HIVEP3: variants seen among roughly 807,000 people sequenced by gnomAD.
The protein encoded by HIVEP3 is transcription factor HIVEP3.
In HIVEP3, 49 loss-of-function variants were observed where a neutral mutation model predicts 152.8. The observed-to-expected ratio is 0.32, with a 90% confidence interval of 0.26 to 0.41. The LOEUF (loss-of-function observed/expected upper bound fraction) is 0.41. Among genes scored for constraint, HIVEP3 ranks in the 10% least tolerant of loss-of-function variants. The probability of loss-of-function intolerance (pLI) is 1.00; values close to 1 mark genes in which losing one functional copy is unlikely to be tolerated. For missense variants in HIVEP3, 2,790 were observed against 3,103.3 expected, an observed-to-expected ratio of 0.90 and a Z score of 2.40; for synonymous variants, 1,269 against 1,289.0, an observed-to-expected ratio of 0.98 and a Z score of 0.33.
chr1:41,707,381 C>T (rs550337220), intron 1 of HIVEP3, among the ~76,000 whole-genome samples: 6 of 152,264 alleles, frequency 3.9e-5, no homozygotes, highest in Admixed American at 2.6e-4. Flanking sequence ...TTAAAAAGTG[C>T]GACTTATGAT....
At chr1:42,006,778 A>T (rs945955777) in intron 1 of HIVEP3, among the ~76,000 whole-genome samples, 1 of 152,194 alleles carries the variant, frequency 6.6e-6, no homozygotes, top group African/African-American at 2.4e-5. Context: ...TCTTAGTATT[A>T]TTATAAAAGT....
intron 5 of HIVEP3, among the ~76,000 whole-genome samples, chr1:41,561,267 T>C (rs954426954): frequency 2.6e-5 from 4 of 152,186 alleles, no homozygotes; most frequent in Non-Finnish European, 5.9e-5. Context: ...CTCCAGACTC[T>C]ACAGCCCAAG....
intron 2 of HIVEP3, among the ~76,000 whole-genome samples, chr1:41,634,394 T>G (rs77663920): frequency 0.048 from 7,290 of 152,062 alleles, 221 homozygotes; most frequent in Middle Eastern, 0.099. Flanking sequence ...TTTAAACCAC[T>G]GTGTGGGGAG....
At chr1:41,540,133 G>A (rs763554817) in intron 5 of HIVEP3, among the ~76,000 whole-genome samples, 2 of 152,226 alleles carry the variant, frequency 1.3e-5, no homozygotes, top group Non-Finnish European at 2.9e-5. Context: ...GGCTGTGCGG[G>A]GCAGCAGCCA....
intron 1 of HIVEP3, among the ~76,000 whole-genome samples, chr1:41,949,575 A>G (rs1377035492): frequency 6.6e-6 from 1 of 152,138 alleles, no homozygotes; most frequent in African/African-American, 2.4e-5. Flanking sequence ...GAAATTCGAG[A>G]TTGCATACAA....
At chr1:41,734,295 T>C (rs982435395) in intron 1 of HIVEP3, among the ~76,000 whole-genome samples, 3 of 152,198 alleles carry the variant, frequency 2.0e-5, no homozygotes, top group African/African-American at 7.2e-5. Context: ...AACCTCTCTT[T>C]TCATCTGAAA....
intron 1 of HIVEP3, among the ~76,000 whole-genome samples, chr1:41,943,596 A>G (rs1645058856): frequency 6.6e-6 from 1 of 152,130 alleles, no homozygotes; most frequent in Non-Finnish European, 1.5e-5. Flanking sequence ...TATTAACATT[A>G]TCTGTGTGCC....
chr1:41,676,236 G>T (rs1344630285), intron 2 of HIVEP3, among the ~76,000 whole-genome samples: 1 of 152,188 alleles, frequency 6.6e-6, no homozygotes, highest in Admixed American at 6.5e-5. Context: ...ATTTTTAGTA[G>T]AGACGGGGTT....
chr1:41,616,569 C>CT (rs35360287), intron 3 of HIVEP3, among the ~76,000 whole-genome samples: 74,220 of 127,602 alleles, frequency 0.58, 21,689 homozygotes, highest in African/African-American at 0.65. Flanking sequence ...ATAGCAATTA[C>CT]TTTTTTTTTT....
Position 41,998,887 on chromosome 1 carries a change from CTCT to C in HIVEP3, n.119+36917_119+36919del, listed in dbSNP as rs1207539534. On this transcript the variant is annotated intron_variant and non_coding_transcript_variant, in intron 1 of 3. Transcript: ENST00000489103. ...GCTGGTTTTTAATACTTTTCTCTCT[CTCT>C]TTTTTTTTTTTTTTTTTTTTTTTTG... 8.1e-3 allele frequency among the ~76,000 whole-genome samples: 623 copies of C among 77,272 alleles called. 2 individuals carry two copies. Among genetic ancestry groups the C allele is most frequent in the African/African-American group, 0.035 (586 of 16,758 alleles). The allele number at this position is 77,272 out of a possible 152,430, so 50.7% of individuals were successfully genotyped here.
chr1:41,766,285 G>A (rs1209960142), intron 1 of HIVEP3, among the ~76,000 whole-genome samples: 2 of 152,298 alleles, frequency 1.3e-5, no homozygotes, highest in Admixed American at 1.3e-4. Context: ...ACAACTAGAG[G>A]TTACTACTGG....
At chr1:41,522,266 T>G (rs1038289763) in intron 6 of HIVEP3, among the ~76,000 whole-genome samples, 3 of 152,236 alleles carry the variant, frequency 2.0e-5, no homozygotes, top group Non-Finnish European at 4.4e-5. Context: ...TCCAGCGCCC[T>G]GCTCTCCCTT....
At chr1:41,529,298 C>T (rs1323503419) in intron 5 of HIVEP3, among the ~76,000 whole-genome samples, 2 of 146,682 alleles carry the variant, frequency 1.4e-5, no homozygotes, top group African/African-American at 5.1e-5. Flanking sequence ...GACACACCCT[C>T]ACCATCACAC....
At chr1:41,782,872 A>G (rs1649131823) in intron 1 of HIVEP3, among the ~76,000 whole-genome samples, 1 of 152,144 alleles carries the variant, frequency 6.6e-6, no homozygotes, top group African/African-American at 2.4e-5. Flanking sequence ...ATCTTAGGAG[A>G]TGATGTGACC....
At chr1:41,998,607 T>C (rs1003045042) in intron 1 of HIVEP3, among the ~76,000 whole-genome samples, 5 of 152,174 alleles carry the variant, frequency 3.3e-5, no homozygotes, top group Admixed American at 6.5e-5. Flanking sequence ...TTCTGTCAAA[T>C]GTAAAATTAA....
chr1:41,528,123 C>T (rs376416865), intron 5 of HIVEP3, among the ~76,000 whole-genome samples: 3 of 134,794 alleles, frequency 2.2e-5, no homozygotes, highest in African/African-American at 8.5e-5. Context: ...ACACCCTTAC[C>T]CTCACCTTCA....
chr1:41,606,151 C>G (rs566011031), intron 3 of HIVEP3, among the ~76,000 whole-genome samples: 3 of 151,120 alleles, frequency 2.0e-5, no homozygotes, highest in East Asian at 3.9e-4. Context: ...CATTCAACCT[C>G]TCTCTCCCAA....
At chr1:41,902,276 A>C (rs985761247) in intron 1 of HIVEP3, among the ~76,000 whole-genome samples, 2 of 152,186 alleles carry the variant, frequency 1.3e-5, no homozygotes, top group African/African-American at 4.8e-5. Context: ...GGAAATCCTG[A>C]GATAAGGATT....
At chr1:41,805,393 T>G (rs1312379751) in intron 1 of HIVEP3, among the ~76,000 whole-genome samples, 1 of 152,202 alleles carries the variant, frequency 6.6e-6, no homozygotes. Context: ...ATATTCCAAT[T>G]GAGAACCCAC....
Sources: allele counts gnomAD v4.1 joint callset (sites outside exome capture counted in the v4.1 genomes callset), GRCh38; gene constraint gnomAD v4.1.1; transcripts MANE v1.5; gene names NCBI Gene and HGNC (gene_info 2026-07-23, HGNC 2026-07-21).